SYNJ1: variants seen among roughly 807,000 people sequenced by gnomAD.
SYNJ1 encodes synaptojanin 1, also known as polyphosphatidylinositol phosphatase SYNJ1.
In SYNJ1, 78 loss-of-function variants were observed where a neutral mutation model predicts 168.2. The ratio of observed to expected loss-of-function variants is 0.46; its 90% confidence interval spans 0.39 to 0.56. The LOEUF (loss-of-function observed/expected upper bound fraction) is 0.56. SYNJ1 is among the 20% of genes least tolerant of loss of function. The pLI is 0.00. For missense variants in SYNJ1, 1,303 were observed against 1,597.6 expected, an observed-to-expected ratio of 0.82 and a Z score of 3.14; for synonymous variants, 539 against 548.6, an observed-to-expected ratio of 0.98 and a Z score of 0.24.
intron 3 of SYNJ1, among the ~76,000 whole-genome samples, chr21:32,701,664 A>G (rs1257919266): frequency 1.3e-5 from 2 of 152,148 alleles, no homozygotes; most frequent in Non-Finnish European, 2.9e-5. Flanking sequence ...AATGCACTGA[A>G]TCAACAAAAA....
At chr21:32,692,450 G>A (rs868391005) in intron 6 of SYNJ1, among the ~76,000 whole-genome samples, 16 of 152,184 alleles carry the variant, frequency 1.1e-4, no homozygotes, top group Middle Eastern at 3.4e-3. Flanking sequence ...GGTGGCACGC[G>A]CCTATAGTCC....
chr21:32,678,602 C>T, intron 12 of SYNJ1, 43 bp downstream of exon 12: 1 of 1,518,458 alleles, frequency 6.6e-7, no homozygotes, highest in East Asian at 2.4e-5. Context: ...CCTCTTGGAC[C>T]TTTAGGAATA....
intron 12 of SYNJ1, among the ~76,000 whole-genome samples, chr21:32,676,751 A>G (rs1035882851): frequency 2.0e-5 from 3 of 152,204 alleles, no homozygotes; most frequent in African/African-American, 7.2e-5. Flanking sequence ...ACCTTTTAGT[A>G]TTCTTTCTGG....
At chr21:32,725,696 T>G (rs1264450931) in intron 2 of SYNJ1, among the ~76,000 whole-genome samples, 4 of 152,202 alleles carry the variant, frequency 2.6e-5, no homozygotes, top group African/African-American at 9.6e-5. Flanking sequence ...CTTAGTAGTT[T>G]AAGATATTTA....
Position 32,670,269 on chromosome 21 carries a change from A to G in SYNJ1, c.1811+19T>C. 2 of 1,609,186 alleles carry G rather than the reference A, an allele frequency of 1.2e-6. No homozygotes were observed. The highest frequency in any genetic ancestry group is 1.7e-6 in the Non-Finnish European group (2 of 1,177,578). On this transcript the variant is annotated intron_variant, in intron 15 of 32. Transcript: ENST00000674351. ...CCTCAACTGGCAAATTTTTCAGTGG[A>G]TTAATGTGGCTAGCTTACCTTGCAC...
At chr21:32,674,131 G>C (rs2041311195) in intron 13 of SYNJ1, among the ~76,000 whole-genome samples, 1 of 152,150 alleles carries the variant, frequency 6.6e-6, no homozygotes, top group Non-Finnish European at 1.5e-5. Context: ...TGGTCCACAA[G>C]GCCCTCAACA....
upstream of SYNJ1, chr21:32,728,100 AG>A (rs2043563395): frequency 6.7e-7 from 1 of 1,498,204 alleles, no homozygotes. Context: ...GGGCATCAGG[AG>A]GGAGACCACG....
At chr21:32,666,274 G>A in intron 16 of SYNJ1, 139 bp from the exon 17 acceptor site, 1 of 1,409,234 alleles carries the variant, frequency 7.1e-7, no homozygotes, top group Non-Finnish European at 9.6e-7. Flanking sequence ...GTACAGTGAA[G>A]CTATTGGTGA....
At position 32,645,724 on chromosome 21, in the gene SYNJ1, G is replaced by C; in HGVS notation, c.3313C>G (p.Pro1105Ala). 6.8e-7 allele frequency: 1 copy of C among 1,469,066 alleles called. No homozygotes were observed. The highest frequency in any genetic ancestry group is 9.0e-7 in the Non-Finnish European group (1 of 1,111,348). 91.0% of individuals were successfully genotyped at this position (1,469,066 alleles called of 1,614,324 possible). A position where few individuals can be genotyped will look rare whatever the true frequency, so the allele number is the denominator to read the frequency against. Residue 1105 changes from proline to alanine, a missense_variant, in exon 25 of 33, where the codon CCC becomes GCC. Transcript: ENST00000674351. ...GGGCGGGGCGGCGGCGGCCGCTTGG[G>C]CTCCAAGGGCTGGGCGGGGTCTTTC... ...PQKDPAQPLE[P>A]KRPPPPRPVA...
Position 32,645,692 on chromosome 21 carries a change from G to A in SYNJ1, c.3345C>T (p.Ala1115=). 6.7e-7 allele frequency: 1 copy of A among 1,497,202 alleles called. No homozygotes were observed. Among genetic ancestry groups the A allele is most frequent in the South Asian group, 1.4e-5 (1 of 73,220 alleles). 92.7% of individuals were successfully genotyped at this position (1,497,202 alleles called of 1,614,324 possible). The change falls in exon 25 of 33, where the codon GCC becomes GCT. Residue 1115 remains alanine (A), a synonymous_variant. Coordinates refer to ENST00000674351, the MANE Select transcript of SYNJ1 (RefSeq NM_203446.3). ...PKRPPPPRPV[A]PPTRPAPPQR... Reference sequence around the variant, plus strand: ...GTGGGGGAGCCGGGCGTGTGGGAGGGGCGACCGGGCGGGGCGGCGGCGGCC... The same window carrying A: ...GTGGGGGAGCCGGGCGTGTGGGAGGAGCGACCGGGCGGGGCGGCGGCGGCC...
chr21:32,631,235 C>T lies in SYNJ1; in HGVS notation c.*570G>A. 6.2e-7 allele frequency: 1 copy of T among 1,614,216 alleles called. No homozygotes were observed. The highest frequency in any genetic ancestry group is 2.2e-5 in the East Asian group (1 of 44,888). ...AGTCTGAACAAGCTGACTTTGACTT[C>T]CCTTTCACACCAAAATCCTCTTCTT... On this transcript the variant is annotated 3_prime_UTR_variant, in exon 33 of 33. Coordinates refer to ENST00000674351, the MANE Select transcript of SYNJ1 (RefSeq NM_203446.3).
intron 31 of SYNJ1, among the ~76,000 whole-genome samples, chr21:32,636,871 C>G (rs966814264): frequency 6.6e-6 from 1 of 151,988 alleles, no homozygotes; most frequent in Non-Finnish European, 1.5e-5. Context: ...AAAGATACTT[C>G]AGGATTTGAA....
At chr21:32,666,773 T>A (rs2040950838) in intron 15 of SYNJ1, among the ~76,000 whole-genome samples, 200 bp from the exon 16 acceptor site, 1 of 152,178 alleles carries the variant, frequency 6.6e-6, no homozygotes, top group Non-Finnish European at 1.5e-5. Context: ...ATCTATTACT[T>A]CTTTACAAAG....
In SYNJ1 at chr21:32,666,117, A is replaced by G. The variant is rs574400482; in HGVS notation, c.1971T>C (p.Thr657=). ...TTGCACCTCCCATTCCAGTCTTCAC[A>G]GTATCAACTGCAACATCCCTTTGAA... ...APFIRDVAVD[T]VKTGMGGATG... The change falls in exon 17 of 33, where the codon ACT becomes ACC. Residue 657 remains threonine (T), a synonymous_variant. Transcript: ENST00000674351. 1.6e-4 allele frequency: 254 copies of G among 1,603,294 alleles called. No individual in the cohort carries two copies. The South Asian group carries it at 2.7e-3, about 17-fold the overall frequency.
In SYNJ1 at chr21:32,643,451, C is replaced by A; in HGVS notation, c.3437G>T (p.Gly1146Val). ...AGCTACCCCAGGACTGGGAGGGGCT[C>A]CAATACCTTTTTAGAGAAAGAACAG... Reference protein sequence around the residue: ...APTRKEFGGIGAPPSPGVARR... With the variant: ...APTRKEFGGIVAPPSPGVARR... The change falls in exon 27 of 33, where the codon GGA (glycine) becomes GTA (valine). Residue 1146 changes from glycine to valine, a missense_variant. Coordinates refer to ENST00000674351, the MANE Select transcript of SYNJ1 (RefSeq NM_203446.3). 6.2e-7 allele frequency: 1 copy of A among 1,613,626 alleles called. No homozygotes were observed. The highest frequency in any genetic ancestry group is 1.7e-5 in the Admixed American group (1 of 59,954).
In SYNJ1 at chr21:32,666,471, C is replaced by T. The variant is rs534908601; in HGVS notation, c.1914G>A (p.Leu638=). ...LASEQLVGVC[L]FVFIRPQHAP... ...CATGCTGTGGTCTGATAAAAACAAA[C>T]AAACAGACGCCCACCAACTGTTCAG... Residue 638 remains leucine (L), a synonymous_variant, in exon 16 of 33, where the codon TTG becomes TTA. Transcript: ENST00000674351. 668 of 1,614,032 alleles carry T rather than the reference C, an allele frequency of 4.1e-4. 7 individuals carry two copies. In the South Asian group the frequency reaches 6.9e-3, roughly 17 times the overall value.
Position 32,686,944 on chromosome 21 carries a change from G to A in SYNJ1, c.948+34C>T, listed in dbSNP as rs374409130. ...TTTTAATACCATTCTAGGTGTCCAT[G>A]GGCCAGAATGAAATAAGAAATGACC... On this transcript the variant is annotated intron_variant, in intron 8 of 32. Transcript: ENST00000674351. 290 of 1,339,880 alleles carry A rather than the reference G, an allele frequency of 2.2e-4. No individual in the cohort carries two copies. The African/African-American group carries it at 4.2e-3, about 19-fold the overall frequency. The allele number at this position is 1,339,880 out of a possible 1,614,324, so 83.0% of individuals were successfully genotyped here. A position where few individuals can be genotyped will look rare whatever the true frequency, so the allele number is the denominator to read the frequency against.
At chr21:32,704,299 C>T (rs2042521599) in intron 2 of SYNJ1, among the ~76,000 whole-genome samples, 2 of 152,332 alleles carry the variant, frequency 1.3e-5, no homozygotes, top group African/African-American at 4.8e-5. Flanking sequence ...CACACCCACA[C>T]ACACACCTTA....
rs775185950 is a variant in SYNJ1 at position 32,644,986 on chromosome 21, T to C, written c.3412A>G (p.Thr1138Ala). The C allele has an allele frequency of 1.2e-5, 20 of 1,608,198 alleles. No homozygotes were observed. Among genetic ancestry groups the C allele is most frequent in the Non-Finnish European group, 1.5e-5 (18 of 1,178,016 alleles). Residue 1138 changes from threonine to alanine, a missense_variant, in exon 26 of 33, where the codon ACT (threonine) becomes GCT (alanine). By Grantham distance (58) the Thr-to-Ala change is moderately conservative (BLOSUM62 0). Around this residue, in one of 2 missense-constraint regions of SYNJ1, gnomAD observed 383 missense variants for 388.8 expected, o/e 0.99. Transcript: ENST00000674351. ...PPSGARSPAPTRKEFGGIGAP... is the reference protein window; with the variant it reads ...PPSGARSPAPARKEFGGIGAP... ...TGGTTACCTCCAAATTCCTTTCTAG[T>C]GGGTGCAGGACTCCTAGCCCCTTAT...
Sources: gnomAD v4.1 joint callset for allele counts (sites outside exome capture counted in the v4.1 genomes callset) on GRCh38, gnomAD v4.1.1 for gene constraint, gnomAD v4.1.1 regional missense constraint, MANE v1.5 for transcripts, NCBI Gene and HGNC (gene_info 2026-07-23, HGNC 2026-07-21) for gene names.